Variants in RDH10 observed in about 807,000 individuals in gnomAD.
RDH10 encodes retinol dehydrogenase 10, also known as retinol dehydrogenase 10 (all-trans).
Under a neutral mutation model 30.2 loss-of-function variants are expected in RDH10, and 12 were observed. The ratio of observed to expected loss-of-function variants is 0.40; its 90% CI spans 0.25 to 0.64. The LOEUF is 0.64. Among genes scored for constraint, RDH10 ranks in the 30% least tolerant of loss-of-function variants. The pLI, the probability that RDH10 is intolerant of heterozygous loss-of-function variation, is 0.43. For missense variants in RDH10, 268 were observed against 445.2 expected (o/e 0.60, Z 3.58); for synonymous variants, 189 against 172.2 (o/e 1.10, Z -0.76).
chr8:73,296,243 G>T (rs1188606194), intron 1 of RDH10, among the ~76,000 whole-genome samples: 12 of 144,588 alleles, frequency 8.3e-5, no homozygotes, highest in African/African-American at 2.3e-4. Context: ...AATCTGAGTT[G>T]TTTTTTTTTT....
At chr8:73,322,651 A>G (rs1177661175) in intron 4 of RDH10, 28 bp from the exon 5 acceptor site, 4 of 1,581,348 alleles carry the variant, frequency 2.5e-6, no homozygotes, top group Non-Finnish European at 2.6e-6. Context: ...TTAATTTTTC[A>G]TTTTGTTTTT....
intron 4 of RDH10, 29 bp from the exon 5 acceptor site, chr8:73,322,650 C>T (rs1433254517): frequency 1.3e-6 from 2 of 1,576,362 alleles, no homozygotes; most frequent in South Asian, 1.1e-5. Context: ...GTTAATTTTT[C>T]ATTTTGTTTT....
chr8:73,318,282 TAGTG>T (rs1446065268), intron 2 of RDH10, among the ~76,000 whole-genome samples: 1 of 152,144 alleles, frequency 6.6e-6, no homozygotes, highest in Non-Finnish European at 1.5e-5. Context: ...GAAAAGAGTT[TAGTG>T]AGTAAGAAAT....
chr8:73,298,045 TTTAAACAATGTCCGCTTCTAACCA>T (rs1814305677), intron 2 of RDH10: 1 of 156,218 alleles, frequency 6.4e-6, no homozygotes, highest in Non-Finnish European at 1.4e-5. Flanking sequence ...AAGCTGGGGA[TTTAAACAATGTCCGCTTCTAACCA>T]TTAAACAATG....
chr8:73,318,875 A>G (rs542219956), intron 2 of RDH10, among the ~76,000 whole-genome samples: 1 of 152,394 alleles, frequency 6.6e-6, no homozygotes, highest in African/African-American at 2.4e-5. Context: ...CTTTTAAGTT[A>G]CAGTCTTGTT....
At chr8:73,301,104 G>A (rs1157890007) in intron 2 of RDH10, among the ~76,000 whole-genome samples, 1 of 131,656 alleles carries the variant, frequency 7.6e-6, no homozygotes, top group African/African-American at 2.9e-5. Context: ...AGGCTGGAGT[G>A]CAGTGGCGCG....
chr8:73,295,870 C>G (rs77444482), intron 1 of RDH10: 2 of 1,229,714 alleles, frequency 1.6e-6, no homozygotes, highest in East Asian at 7.5e-5. Flanking sequence ...GCGGAGGGAA[C>G]TTGTTACCAC....
chr8:73,319,849 G>T (rs1398289188), intron 3 of RDH10, among the ~76,000 whole-genome samples: 2 of 152,184 alleles, frequency 1.3e-5, no homozygotes, highest in African/African-American at 2.4e-5. Flanking sequence ...TTGTAGAACT[G>T]GATTTCATCA....
chr8:73,317,134 ACAAT>A (rs1045212882), intron 2 of RDH10, among the ~76,000 whole-genome samples: 2 of 152,226 alleles, frequency 1.3e-5, no homozygotes, highest in African/African-American at 2.4e-5. Context: ...TAAGTATAAG[ACAAT>A]CAAAATCAAA....
rs114571309 is a variant in RDH10, at chr8:73,324,637, C to G, written c.*1601C>G. ...TTGTGTTTTTTTTTATGATCATTAT[C>G]CCACTTTAGGTAAAGAAAAATATTG... On this transcript the variant is annotated 3_prime_UTR_variant, in exon 6 of 6. Transcript: ENST00000240285. The G allele has an allele frequency of 6.6e-6, 1 of 151,818 alleles. No individual in the cohort carries two copies. The highest frequency in any genetic ancestry group is 1.9e-4 in the East Asian group (1 of 5,192). The allele number at this position is 151,818 out of a possible 1,614,324, so 9.4% of individuals were successfully genotyped here. A position where few individuals can be genotyped will look rare whatever the true frequency, so the allele number is the denominator to read the frequency against.
chr8:73,300,334 G>A (rs1002098957), intron 2 of RDH10: 7 of 152,190 alleles, frequency 4.6e-5, no homozygotes, highest in African/African-American at 1.4e-4. Flanking sequence ...TGTCACAAGA[G>A]CCACCTGAAT....
intron 2 of RDH10, among the ~76,000 whole-genome samples, chr8:73,315,795 G>T (rs1362428590): frequency 1.3e-5 from 2 of 152,192 alleles, no homozygotes; most frequent in Non-Finnish European, 2.9e-5. Context: ...AATTTCTTAG[G>T]ATTTAATATT....
chr8:73,304,777 C>G (rs1353500018), intron 2 of RDH10, among the ~76,000 whole-genome samples: 1 of 152,148 alleles, frequency 6.6e-6, no homozygotes, highest in Admixed American at 6.5e-5. Context: ...AGAAAAAAAT[C>G]CGTCACTATT....
rs1415500519 is a variant in RDH10, at chr8:73,295,530, C to T, written c.241C>T (p.Arg81Cys). The change falls in exon 1 of 6, where the codon CGC (arginine) becomes TGC (cysteine). Residue 81 changes from arginine (R) to cysteine (C), a missense_variant. Physicochemically the swap from Arg to Cys is radical, Grantham distance 180 (BLOSUM62 -3). This residue lies in a region of RDH10 where 42 missense variants were observed against 77.6 expected (regional missense o/e 0.54). Transcript: ENST00000240285. ...CAACGAGGAGACGGCTGGCATGGTGCGCCACATCTACCGCGACCTGGAGGC... is the reference window on the plus strand; with the variant it reads ...CAACGAGGAGACGGCTGGCATGGTGTGCCACATCTACCGCGACCTGGAGGC... ...QSNEETAGMV[R>C]HIYRDLEAAD... 2 of 1,554,076 alleles carry T rather than the reference C, an allele frequency of 1.3e-6. No individual in the cohort carries two copies. Among genetic ancestry groups the T allele is most frequent in the Non-Finnish European group, 1.7e-6 (2 of 1,150,832 alleles).
chr8:73,320,863 G>A, intron 3 of RDH10, 69 bp from the exon 4 acceptor site: 1 of 1,488,602 alleles, frequency 6.7e-7, no homozygotes, highest in Non-Finnish European at 9.3e-7. Context: ...TAGGACCAGG[G>A]AAGCTTTAGT....
chr8:73,298,038 C>G (rs1563546278), intron 2 of RDH10: 1 of 156,000 alleles, frequency 6.4e-6, no homozygotes, highest in Admixed American at 6.1e-5. Context: ...ACCTGGTAAG[C>G]TGGGGATTTA....
chr8:73,321,731 C>A, intron 4 of RDH10: 1 of 444,836 alleles, frequency 2.2e-6, no homozygotes, highest in Non-Finnish European at 4.6e-6. Context: ...CTTGTGAAGA[C>A]ATGCTTACTT....
At chr8:73,299,896 C>T (rs927146953) in intron 2 of RDH10, among the ~76,000 whole-genome samples, 3 of 152,052 alleles carry the variant, frequency 2.0e-5, no homozygotes, top group Non-Finnish European at 2.9e-5. Context: ...ATTGATATAC[C>T]GTCTTTCTAA....
chr8:73,312,002 A>T (rs1563549881), intron 2 of RDH10: 1 of 144,144 alleles, frequency 6.9e-6, no homozygotes, highest in African/African-American at 2.5e-5. Flanking sequence ...TGTAATGAAG[A>T]TTTTTTTTTC....
Sources: gnomAD v4.1 joint callset for allele counts (sites outside exome capture counted in the v4.1 genomes callset) on GRCh38, gnomAD v4.1.1 for gene constraint, gnomAD v4.1.1 regional missense constraint, MANE v1.5 for transcripts, NCBI Gene and HGNC (gene_info 2026-07-23, HGNC 2026-07-21) for gene names.